The following LRRC4C variants were observed in gnomAD, a reference collection of about 807,000 sequenced individuals.
The protein encoded by LRRC4C is leucine-rich repeat-containing protein 4C.
In LRRC4C, 5 loss-of-function variants were observed where a neutral mutation model predicts 33.6. The observed-to-expected ratio is 0.15, with a 90% confidence interval of 0.08 to 0.31. LRRC4C has a LOEUF of 0.31. Among genes scored for constraint, LRRC4C ranks in the 10% least tolerant of loss-of-function variants. LRRC4C has a pLI of 1.00. For missense variants in LRRC4C, 560 were observed against 796.7 expected (o/e 0.70, Z 3.58); for synonymous variants, 329 against 302.0 (o/e 1.09, Z -0.93).
chr11:41,145,026 A>G (rs972511446), intron 1 of LRRC4C, among the ~76,000 whole-genome samples: 2 of 152,190 alleles, frequency 1.3e-5, no homozygotes, highest in African/African-American at 4.8e-5. Flanking sequence ...TAAAATAGAG[A>G]TAATAACATT....
chr11:40,910,116 A>T (rs559306783), intron 2 of LRRC4C, among the ~76,000 whole-genome samples: 40 of 152,198 alleles, frequency 2.6e-4, no homozygotes, highest in Non-Finnish European at 4.7e-4. Flanking sequence ...TGATAGGAAT[A>T]TTAATGCAAT....
chr11:40,350,724 A>G (rs1947345180), intron 3 of LRRC4C, among the ~76,000 whole-genome samples: 1 of 152,070 alleles, frequency 6.6e-6, no homozygotes, highest in South Asian at 2.1e-4. Flanking sequence ...CAATCCATGA[A>G]CATGAAATAT....
intron 1 of LRRC4C, among the ~76,000 whole-genome samples, chr11:41,454,331 C>T (rs948080857): frequency 9.2e-5 from 14 of 152,092 alleles, no homozygotes; most frequent in African/African-American, 2.2e-4. Flanking sequence ...AATCTTAATT[C>T]TTGTTAACTA....
At chr11:40,242,614 A>G (rs1000380870) in intron 4 of LRRC4C, among the ~76,000 whole-genome samples, 2 of 152,230 alleles carry the variant, frequency 1.3e-5, no homozygotes, top group Non-Finnish European at 2.9e-5. Flanking sequence ...CAATCATTAA[A>G]TCAGAGGTTA....
At chr11:40,787,460 T>A (rs2137339141) in intron 2 of LRRC4C, among the ~76,000 whole-genome samples, 1 of 152,280 alleles carries the variant, frequency 6.6e-6, no homozygotes, top group South Asian at 2.1e-4. Context: ...CGTTGCAACA[T>A]TCTCCATTGC....
intron 3 of LRRC4C, among the ~76,000 whole-genome samples, chr11:40,444,772 A>G (rs1283879843): frequency 5.3e-5 from 8 of 152,216 alleles, no homozygotes. Flanking sequence ...ATTTTGTTAT[A>G]TACAAGGACT....
chr11:40,204,602 CA>C (rs1198294744), intron 5 of LRRC4C, among the ~76,000 whole-genome samples: 3 of 152,084 alleles, frequency 2.0e-5, no homozygotes, highest in Admixed American at 2.0e-4. Flanking sequence ...TTCTAAGTTG[CA>C]AAACTACCTT....
chr11:40,764,880 T>A (rs907496413), intron 2 of LRRC4C, among the ~76,000 whole-genome samples: 3 of 152,212 alleles, frequency 2.0e-5, no homozygotes, highest in Non-Finnish European at 4.4e-5. Context: ...ATTACTGGTC[T>A]TGGGGTAACC....
chr11:40,992,343 C>T (rs1198799929), intron 1 of LRRC4C, among the ~76,000 whole-genome samples: 1 of 151,648 alleles, frequency 6.6e-6, no homozygotes, highest in Non-Finnish European at 1.5e-5. Flanking sequence ...AATAGAATTA[C>T]TATCATTATT....
At chr11:40,138,665 T>G (rs1421994770) in intron 6 of LRRC4C, among the ~76,000 whole-genome samples, 1 of 152,244 alleles carries the variant, frequency 6.6e-6, no homozygotes, top group African/African-American at 2.4e-5. Context: ...TTTGTAGGGT[T>G]AACTAGAAAA....
At chr11:40,751,577 C>G (rs1948693400) in intron 2 of LRRC4C, among the ~76,000 whole-genome samples, 1 of 151,934 alleles carries the variant, frequency 6.6e-6, no homozygotes. Flanking sequence ...AGGAAAACTA[C>G]AAAACATTGA....
chr11:40,125,456 C>T (rs911637788), intron 6 of LRRC4C, among the ~76,000 whole-genome samples: 1 of 152,156 alleles, frequency 6.6e-6, no homozygotes, highest in South Asian at 2.1e-4. Flanking sequence ...CTCTGGACTT[C>T]TTATTATGTA....
chr11:40,766,100 A>G (rs1949440416), intron 2 of LRRC4C, among the ~76,000 whole-genome samples: 1 of 150,938 alleles, frequency 6.6e-6, no homozygotes, highest in Admixed American at 6.6e-5. Flanking sequence ...AAAAAAACAT[A>G]CAAAGGAGCT....
chr11:40,416,639 C>T lies in LRRC4C; in HGVS notation c.-269-96918G>A, dbSNP rs556511160. On this transcript the variant is annotated intron_variant, in intron 3 of 6. Coordinates refer to ENST00000528697, the MANE Select transcript of LRRC4C (RefSeq NM_001258419.2). ...CCTGTATCAATTTATGATTTTGTACCTGGCACTAAGTGACTTGCTGACATT... is the reference window on the plus strand; with the variant it reads ...CCTGTATCAATTTATGATTTTGTACTTGGCACTAAGTGACTTGCTGACATT... 2.2e-3 allele frequency among the ~76,000 whole-genome samples: 329 copies of T among 152,232 alleles called. 1 individual carries two copies. The highest frequency in any genetic ancestry group is 7.3e-3 in the African/African-American group (303 of 41,538).
At chr11:40,645,610 C>T (rs1481434348) in intron 3 of LRRC4C, among the ~76,000 whole-genome samples, 1 of 152,056 alleles carries the variant, frequency 6.6e-6, no homozygotes, top group Non-Finnish European at 1.5e-5. Flanking sequence ...AGAAAAAAAC[C>T]TAATCGCACT....
At chr11:40,846,836 A>G (rs1353619014) in intron 2 of LRRC4C, among the ~76,000 whole-genome samples, 2 of 152,136 alleles carry the variant, frequency 1.3e-5, no homozygotes, top group Admixed American at 6.6e-5. Context: ...TATTTCCATG[A>G]GCAGTGGTGT....
chr11:41,182,738 A>C (rs1394239090), intron 1 of LRRC4C, among the ~76,000 whole-genome samples: 3 of 152,128 alleles, frequency 2.0e-5, no homozygotes, highest in African/African-American at 7.2e-5. Flanking sequence ...ATTATCTAAT[A>C]ACTTCAAAAT....
At chr11:40,848,326 C>T (rs572035167) in intron 2 of LRRC4C, among the ~76,000 whole-genome samples, 57 of 152,022 alleles carry the variant, frequency 3.7e-4, no homozygotes, top group Non-Finnish European at 7.1e-4. Context: ...TAGCTGTGTC[C>T]CAGAGATTCT....
At chr11:40,524,563 TAATC>T (rs2066422745) in intron 3 of LRRC4C, among the ~76,000 whole-genome samples, 1 of 152,178 alleles carries the variant, frequency 6.6e-6, no homozygotes, top group Non-Finnish European at 1.5e-5. Flanking sequence ...AATTTATTAT[TAATC>T]AAGACTGCAA....
Sources: gnomAD v4.1 joint callset for allele counts (sites outside exome capture counted in the v4.1 genomes callset) on GRCh38, gnomAD v4.1.1 for gene constraint, MANE v1.5 for transcripts, NCBI Gene and HGNC (gene_info 2026-07-23, HGNC 2026-07-21) for gene names.